Variants in AOPEP observed in about 807,000 individuals in gnomAD.
AOPEP encodes aminopeptidase O.
In AOPEP, 77 loss-of-function variants were observed where a neutral mutation model predicts 98.1. The ratio of observed to expected loss-of-function variants is 0.78; its 90% confidence interval spans 0.65 to 0.95. The LOEUF (loss-of-function observed/expected upper bound fraction) is 0.95, where lower values mean the gene tolerates loss of function less well. AOPEP is among the 40% of genes least tolerant of loss of function. AOPEP has a pLI of 0.00. For synonymous variants in AOPEP, 346 were observed against 365.3 expected, an observed-to-expected ratio of 0.95 and a Z score of 0.60; for missense variants, 1,024 against 1,024.7, an observed-to-expected ratio of 1.00 and a Z score of 0.01.
chr9:94,773,704 A>G (rs1318044071), intron 3 of AOPEP, among the ~76,000 whole-genome samples: 1 of 152,202 alleles, frequency 6.6e-6, no homozygotes, highest in African/African-American at 2.4e-5. Flanking sequence ...TTATCTATGA[A>G]TTACTTCTTA....
intron 5 of AOPEP, among the ~76,000 whole-genome samples, chr9:94,882,502 G>A (rs1181302134): frequency 1.3e-5 from 2 of 152,210 alleles, no homozygotes; most frequent in Admixed American, 6.5e-5. Context: ...TTGGCTGGGT[G>A]GGGTGGCTCA....
chr9:95,094,881 G>C, the AOPEP span, among the ~76,000 whole-genome samples: 3 of 152,312 alleles, frequency 2.0e-5, no homozygotes, highest in Middle Eastern at 3.4e-3. Flanking sequence ...GGCCAGGCTG[G>C]TCTTGAACTC....
intron 14 of AOPEP, among the ~76,000 whole-genome samples, chr9:95,066,189 T>C (rs10993471): frequency 0.97 from 147,901 of 152,330 alleles, 71,831 homozygotes; most frequent in Middle Eastern, 0.99. Context: ...CAGAACATTC[T>C]TTCAAAGTCA....
At chr9:94,954,205 T>C (rs1328171851) in intron 7 of AOPEP, among the ~76,000 whole-genome samples, 1 of 152,148 alleles carries the variant, frequency 6.6e-6, no homozygotes, top group Non-Finnish European at 1.5e-5. Context: ...GCTTCTGTAA[T>C]CCCAGCTACT....
At chr9:94,861,877 A>G (rs572648745) in intron 5 of AOPEP, among the ~76,000 whole-genome samples, 3 of 152,282 alleles carry the variant, frequency 2.0e-5, no homozygotes, top group Admixed American at 2.0e-4. Flanking sequence ...TCTGCGAGTG[A>G]AGGCTGCACT....
chr9:94,809,436 C>G (rs1369479792), intron 5 of AOPEP, among the ~76,000 whole-genome samples: 1 of 152,208 alleles, frequency 6.6e-6, no homozygotes, highest in Non-Finnish European at 1.5e-5. Context: ...AAAAAAACCA[C>G]CTCCTCAAAA....
intron 5 of AOPEP, among the ~76,000 whole-genome samples, chr9:94,880,623 T>C (rs531685894): frequency 3.9e-5 from 6 of 152,326 alleles, no homozygotes; most frequent in African/African-American, 1.4e-4. Flanking sequence ...CCCAAAGTGT[T>C]GGGATTACAG....
intron 6 of AOPEP, among the ~76,000 whole-genome samples, chr9:94,926,332 G>T (rs1170380764): frequency 1.3e-5 from 2 of 152,198 alleles, no homozygotes; most frequent in East Asian, 3.9e-4. Flanking sequence ...AGCCTTTGTG[G>T]AGGCGGTGGC....
chr9:94,739,632 G>A (rs1587976816), intron 1 of AOPEP, among the ~76,000 whole-genome samples: 2 of 139,096 alleles, frequency 1.4e-5, no homozygotes, highest in Non-Finnish European at 3.1e-5. Flanking sequence ...GGACAAGAGC[G>A]AAACTTCGTC....
intron 3 of AOPEP, among the ~76,000 whole-genome samples, chr9:94,780,745 CTG>C (rs1364937144): frequency 6.6e-6 from 1 of 152,242 alleles, no homozygotes; most frequent in African/African-American, 2.4e-5. Context: ...GACCTCTACT[CTG>C]TTGTGCAGAA....
At chr9:94,958,490 A>G (rs938802663) in intron 9 of AOPEP, among the ~76,000 whole-genome samples, 2 of 152,182 alleles carry the variant, frequency 1.3e-5, no homozygotes, top group Non-Finnish European at 2.9e-5. Context: ...TGGCTGTGCC[A>G]TTTTACATTC....
intron 5 of AOPEP, among the ~76,000 whole-genome samples, chr9:94,826,909 C>T (rs1854732137): frequency 6.6e-6 from 1 of 152,138 alleles, no homozygotes; most frequent in South Asian, 2.1e-4. Flanking sequence ...GCTGTTTGCA[C>T]AAGTCATTGT....
chr9:95,060,783 A>G lies in AOPEP; in HGVS notation c.2205A>G (p.Thr735=), dbSNP rs759910566. Residue 735 remains threonine (T), a synonymous_variant, in exon 14 of 17, where the codon ACA becomes ACG. Coordinates refer to ENST00000375315, the MANE Select transcript of AOPEP (RefSeq NM_001193329.3). ...GAACTCTGCAAAGCCTCCAGAGGAC[A>G]TACCACCTCCAGGATCAGGATGCAG... The part of the protein sequence containing the change: ...SPRTLQSLQR[T]YHLQDQDAEV... 11 of 1,613,076 alleles carry G rather than the reference A, an allele frequency of 6.8e-6. No individual in the cohort carries two copies. The highest frequency in any genetic ancestry group is 3.3e-5 in the South Asian group (3 of 91,042).
At chr9:94,974,423 AG>A (rs34459444) in intron 10 of AOPEP, among the ~76,000 whole-genome samples, 1 of 152,318 alleles carries the variant, frequency 6.6e-6, no homozygotes, top group South Asian at 2.1e-4. Context: ...CTCACTTCAC[AG>A]GGATATTATG....
At chr9:94,819,184 G>C (rs1852397081) in intron 5 of AOPEP, among the ~76,000 whole-genome samples, 1 of 152,098 alleles carries the variant, frequency 6.6e-6, no homozygotes, top group Non-Finnish European at 1.5e-5. Flanking sequence ...ATCACTTTTG[G>C]ATCAGAGATT....
chr9:95,068,119 A>G (rs758472452), intron 14 of AOPEP, among the ~76,000 whole-genome samples: 4 of 152,314 alleles, frequency 2.6e-5, no homozygotes, highest in Admixed American at 6.5e-5. Context: ...ACTTTTAACT[A>G]TTGTGAATAA....
At chr9:94,914,124 G>C (rs1277279557) in intron 5 of AOPEP, among the ~76,000 whole-genome samples, 1 of 152,232 alleles carries the variant, frequency 6.6e-6, no homozygotes, top group Non-Finnish European at 1.5e-5. Context: ...GGGTTGGATA[G>C]AGCATCCTCT....
intron 5 of AOPEP, among the ~76,000 whole-genome samples, chr9:94,824,972 A>G (rs1404351012): frequency 2.0e-5 from 3 of 150,430 alleles, no homozygotes; most frequent in Non-Finnish European, 4.4e-5. Flanking sequence ...AAACAACTTC[A>G]AGTTTTATAT....
chr9:94,963,071 A>C (rs2058963854), intron 9 of AOPEP, among the ~76,000 whole-genome samples: 1 of 152,096 alleles, frequency 6.6e-6, no homozygotes, highest in Non-Finnish European at 1.5e-5. Context: ...AGCCCCCACT[A>C]AAAGCCCTCT....
Sources: allele counts gnomAD v4.1 joint callset (sites outside exome capture counted in the v4.1 genomes callset), GRCh38; gene constraint gnomAD v4.1.1; transcripts MANE v1.5; gene names NCBI Gene and HGNC (gene_info 2026-07-23, HGNC 2026-07-21).